TIAM2: variants seen among roughly 807,000 people sequenced by gnomAD.
TIAM2 encodes TIAM Rac1 associated GEF 2.
Under a neutral mutation model 152.9 loss-of-function variants are expected in TIAM2, and 80 were observed. The ratio of observed to expected loss-of-function variants is 0.52; its 90% CI spans 0.44 to 0.63. TIAM2 has a LOEUF of 0.63. Ranked by LOEUF, TIAM2 falls within the 30% of genes least tolerant of loss-of-function variation. TIAM2 has a pLI of 0.00. For missense variants in TIAM2, 1,965 were observed against 2,120.1 expected, an observed-to-expected ratio of 0.93 and a Z score of 1.44; for synonymous variants, 804 against 838.0, an observed-to-expected ratio of 0.96 and a Z score of 0.70.
intron 2 of TIAM2, among the ~76,000 whole-genome samples, chr6:155,093,880 T>G (rs895568740): frequency 6.6e-6 from 1 of 152,234 alleles, no homozygotes; most frequent in Non-Finnish European, 1.5e-5. Flanking sequence ...TTTAGCCTTC[T>G]GAAGTCAGGG....
At position 155,164,401 on chromosome 6, in the gene TIAM2, G is replaced by A. The variant is rs1032140; in HGVS notation, c.2029-14G>A. ...TTTAATTTTTATTTAAATCACCTCT[G>A]TTTTTGCTTTAAGATCCAGCAATGG... On this transcript the variant is annotated splice_polypyrimidine_tract_variant and intron_variant, in intron 7 of 26. Transcript: ENST00000682666. The A allele has an allele frequency of 0.61, 955,174 of 1,557,590 alleles. 296,398 individuals are homozygous for A. Among genetic ancestry groups the A allele is most frequent in the Admixed American group, 0.76 (42,200 of 55,264 alleles).
At chr6:155,080,045 C>G (rs1431466358) in intron 1 of TIAM2, among the ~76,000 whole-genome samples, 1 of 152,214 alleles carries the variant, frequency 6.6e-6, no homozygotes, top group Non-Finnish European at 1.5e-5. Context: ...GAACAGCTCT[C>G]TGACCCCTGG....
rs982594411 is a variant in TIAM2, at chr6:155,165,193, A to G, written c.2215-70A>G. ...AATGCATTTATAGCAAGCAGAGCTC[A>G]CTTCCTTCATTTTTTCTGCCACTCA... On this transcript the variant is annotated intron_variant, in intron 8 of 26. Transcript: ENST00000682666. The G allele has an allele frequency of 5.4e-6, 8 of 1,483,488 alleles. No individual in the cohort carries two copies. In the Admixed American group the frequency reaches 1.6e-4, roughly 30 times the overall value. 91.9% of individuals were successfully genotyped at this position (1,483,488 alleles called of 1,614,324 possible). A position where few individuals can be genotyped will look rare whatever the true frequency, so the allele number is the denominator to read the frequency against.
At chr6:155,199,114 G>A (rs1273721501) in intron 14 of TIAM2, among the ~76,000 whole-genome samples, 2 of 150,884 alleles carry the variant, frequency 1.3e-5, no homozygotes, top group Non-Finnish European at 1.5e-5. Context: ...ACAGAGTCTC[G>A]CTTTGTCACC....
intron 14 of TIAM2, among the ~76,000 whole-genome samples, chr6:155,208,860 T>C (rs1781651570): frequency 6.6e-6 from 1 of 152,060 alleles, no homozygotes. Context: ...GAGGACACTC[T>C]TCCATCTCTG....
At chr6:155,240,378 G>T in intron 15 of TIAM2, 152 bp from the exon 16 acceptor site, 2 of 669,400 alleles carry the variant, frequency 3.0e-6, no homozygotes, top group Non-Finnish European at 4.7e-6. Flanking sequence ...GATAGCCAGA[G>T]GGGTTTGAGG....
chr6:155,104,090 G>T (rs1778623599), intron 2 of TIAM2, among the ~76,000 whole-genome samples: 2 of 116,740 alleles, frequency 1.7e-5, no homozygotes, highest in South Asian at 2.7e-4. Flanking sequence ...TTAACATTTT[G>T]GGAATTCCCG....
chr6:154,998,148 CAT>C (rs1778252329), intron 1 of TIAM2, among the ~76,000 whole-genome samples: 1 of 152,148 alleles, frequency 6.6e-6, no homozygotes, highest in Non-Finnish European at 1.5e-5. Context: ...TTTGTGTCAA[CAT>C]GTGGTGCTTT....
At chr6:155,073,363 A>G (rs1434854257) in intron 1 of TIAM2, among the ~76,000 whole-genome samples, 1 of 151,812 alleles carries the variant, frequency 6.6e-6, no homozygotes, top group Non-Finnish European at 1.5e-5. Context: ...GGGTTTCACC[A>G]TGTTGGCCAG....
intron 1 of TIAM2, among the ~76,000 whole-genome samples, chr6:155,011,531 A>C (rs1167113110): frequency 6.6e-6 from 1 of 152,048 alleles, no homozygotes; most frequent in East Asian, 1.9e-4. Flanking sequence ...GTCTCAATGC[A>C]CACTTCCTTC....
chr6:155,209,477 A>C (rs1361399933), intron 14 of TIAM2, among the ~76,000 whole-genome samples: 1 of 152,040 alleles, frequency 6.6e-6, no homozygotes, highest in Non-Finnish European at 1.5e-5. Flanking sequence ...GTCTCATCTT[A>C]CTTCCCGTGC....
At chr6:155,145,485 G>A (rs905799576) in intron 6 of TIAM2, among the ~76,000 whole-genome samples, 2 of 152,154 alleles carry the variant, frequency 1.3e-5, no homozygotes, top group Non-Finnish European at 2.9e-5. Flanking sequence ...CATGATTGCC[G>A]TAAGAGTAAA....
chr6:155,195,628 T>G (rs552984356), intron 14 of TIAM2, among the ~76,000 whole-genome samples: 4 of 144,692 alleles, frequency 2.8e-5, no homozygotes, highest in Admixed American at 2.7e-4. Context: ...TATAATGTAT[T>G]CACAGATGAT....
At chr6:155,115,856 C>T (rs538577530) in intron 2 of TIAM2, among the ~76,000 whole-genome samples, 18 of 152,298 alleles carry the variant, frequency 1.2e-4, no homozygotes, top group East Asian at 3.9e-4. Flanking sequence ...TGGTGGCTCA[C>T]GCCTGTAATC....
intron 1 of TIAM2, among the ~76,000 whole-genome samples, chr6:155,029,643 A>G (rs1373082625): frequency 2.9e-5 from 3 of 102,398 alleles, no homozygotes; most frequent in African/African-American, 7.1e-5. Flanking sequence ...ATATAGTTAT[A>G]TAACTATATA....
intron 4 of TIAM2, among the ~76,000 whole-genome samples, chr6:155,135,680 C>T (rs1032022667): frequency 3.9e-5 from 6 of 152,190 alleles, no homozygotes; most frequent in Non-Finnish European, 7.3e-5. Flanking sequence ...ATGTTCAATG[C>T]ACCTGGTCCT....
intron 7 of TIAM2, among the ~76,000 whole-genome samples, chr6:155,163,001 A>G (rs945511407): frequency 2.0e-5 from 3 of 152,216 alleles, no homozygotes; most frequent in Non-Finnish European, 4.4e-5. Context: ...GAACTTGGAA[A>G]AGGTCTGGGG....
intron 7 of TIAM2, among the ~76,000 whole-genome samples, chr6:155,162,639 T>C (rs1780301030): frequency 6.6e-6 from 1 of 152,220 alleles, no homozygotes; most frequent in African/African-American, 2.4e-5. Context: ...AATAAGGCCA[T>C]GCACCAGAAT....
In TIAM2 at chr6:155,251,088, C is replaced by T. The variant is rs1385982298; in HGVS notation, c.4060+67C>T. The T allele has an allele frequency of 3.9e-5, 53 of 1,374,744 alleles. No homozygotes were observed. In the South Asian group the frequency reaches 4.4e-4, roughly 11 times the overall value. The allele number at this position is 1,374,744 out of a possible 1,614,324, so 85.2% of individuals were successfully genotyped here. On this transcript the variant is annotated intron_variant, in intron 22 of 26. Transcript: ENST00000682666. Reference sequence around the variant, plus strand: ...GGGATTACGGAAGAACTTCACTAGCCGCACCAGTCCAGCTCACTCCTGAGC... The same window carrying T: ...GGGATTACGGAAGAACTTCACTAGCTGCACCAGTCCAGCTCACTCCTGAGC...
Sources: allele counts gnomAD v4.1 joint callset (sites outside exome capture counted in the v4.1 genomes callset), GRCh38; gene constraint gnomAD v4.1.1; transcripts MANE v1.5; gene names NCBI Gene and HGNC (gene_info 2026-07-23, HGNC 2026-07-21).